Variants in ZNF532 observed in about 807,000 individuals in gnomAD.
The protein encoded by ZNF532 is zinc finger protein 532.
A neutral mutation model predicts 89.3 loss-of-function variants in ZNF532; 22 were observed. The observed-to-expected ratio is 0.25, with a 90% confidence interval of 0.18 to 0.35. The LOEUF (loss-of-function observed/expected upper bound fraction) is 0.35, where lower values mean the gene tolerates loss of function less well. ZNF532 is among the 10% of genes least tolerant of loss of function. ZNF532 has a pLI of 1.00. For missense variants in ZNF532, 1,132 were observed against 1,643.4 expected, an observed-to-expected ratio of 0.69 and a Z score of 5.38; for synonymous variants, 606 against 649.6, an observed-to-expected ratio of 0.93 and a Z score of 1.02.
chr18:58,884,859 C>T (rs1444120343), intron 2 of ZNF532, among the ~76,000 whole-genome samples: 2 of 152,168 alleles, frequency 1.3e-5, no homozygotes, highest in East Asian at 3.9e-4. Flanking sequence ...TTGAATAACC[C>T]GTTTCAAGCA....
At chr18:58,888,794 AT>A in intron 2 of ZNF532, among the ~76,000 whole-genome samples, 1 of 52,684 alleles carries the variant, frequency 1.9e-5, no homozygotes, top group South Asian at 5.8e-4. Flanking sequence ...TAAAATATAT[AT>A]AATTTATATA....
chr18:58,923,462 C>G (rs1188441782), intron 3 of ZNF532, among the ~76,000 whole-genome samples: 1 of 151,968 alleles, frequency 6.6e-6, no homozygotes, highest in Non-Finnish European at 1.5e-5. Context: ...TTAACCCAAC[C>G]TGGAGTCTCT....
chr18:58,930,681 G>A (rs1315565961), intron 3 of ZNF532, among the ~76,000 whole-genome samples: 2 of 150,746 alleles, frequency 1.3e-5, no homozygotes, highest in Non-Finnish European at 2.9e-5. Flanking sequence ...TCAGGTGTTG[G>A]TTCTAGGACC....
rs774011067 is a variant in ZNF532 at position 58,919,572 on chromosome 18, G to T, written c.1285G>T (p.Val429Leu). ...CAGGGCGCCTCTCCAGTCTGCGGTCGTGACCAATGCAGTTTCCCCTGCAGA... is the reference window on the plus strand; with the variant it reads ...CAGGGCGCCTCTCCAGTCTGCGGTCTTGACCAATGCAGTTTCCCCTGCAGA... ...PPRAPLQSAV[V>L]TNAVSPAELT... Residue 429 changes from valine to leucine, a missense_variant, in exon 3 of 10, where the codon GTG becomes TTG. Physicochemically the swap from Val to Leu is conservative, Grantham distance 32 (BLOSUM62 1). Transcript: ENST00000591808. This position sits in a 1 kb window ranked among gnomAD's most constrained non-coding sequence, Gnocchi z 6.1. 6.2e-7 allele frequency: 1 copy of T among 1,614,112 alleles called. No homozygotes were observed. The highest frequency in any genetic ancestry group is 1.1e-5 in the South Asian group (1 of 91,068).
rs1340952600 is a variant in ZNF532, at chr18:58,983,988, G to A, written c.3428G>A (p.Arg1143Gln). 5.6e-6 allele frequency: 9 copies of A among 1,608,904 alleles called. No individual in the cohort carries two copies. The highest frequency in any genetic ancestry group is 6.8e-6 in the Non-Finnish European group (8 of 1,178,124). Residue 1143 changes from arginine (R) to glutamine (Q), a missense_variant, in exon 10 of 10, where the codon CGG (arginine) becomes CAG (glutamine). Transcript: ENST00000591808. ...KEDTKVPSPKRKLEEPVLEFR... is the reference protein window; with the variant it reads ...KEDTKVPSPKQKLEEPVLEFR... The stretch of plus-strand genomic sequence containing the variant: ...CCCTGAAAGGTCCCCAGTCCCAAGC[G>A]GAAGTTGGAAGAACCAGTTCTGGAG...
chr18:58,908,512 G>A (rs1292433174), intron 2 of ZNF532, among the ~76,000 whole-genome samples: 1 of 151,946 alleles, frequency 6.6e-6, no homozygotes, highest in African/African-American at 2.4e-5. Context: ...TTTATAACTA[G>A]CAAAAACATA....
intron 2 of ZNF532, among the ~76,000 whole-genome samples, chr18:58,892,722 T>G (rs1293108852): frequency 6.6e-6 from 1 of 152,228 alleles, no homozygotes; most frequent in Non-Finnish European, 1.5e-5. Context: ...AATGTTCGTG[T>G]AGAGATTTTG....
chr18:58,983,563 C>T (rs1040440964), intron 9 of ZNF532, among the ~76,000 whole-genome samples: 1 of 152,088 alleles, frequency 6.6e-6, no homozygotes, highest in Non-Finnish European at 1.5e-5. Context: ...CCAGGCTGTC[C>T]CTGACCGTAC....
chr18:58,887,707 G>A (rs771100945), intron 2 of ZNF532, among the ~76,000 whole-genome samples: 2 of 152,154 alleles, frequency 1.3e-5, no homozygotes, highest in Non-Finnish European at 2.9e-5. Flanking sequence ...TCACAGGAGG[G>A]ACCGTCATGC....
intron 5 of ZNF532, among the ~76,000 whole-genome samples, chr18:58,942,585 C>G (rs1202026277): frequency 3.3e-5 from 5 of 152,018 alleles, no homozygotes; most frequent in African/African-American, 1.2e-4. Context: ...GTGGCAATGA[C>G]GGCTGCTGCA....
At chr18:58,892,157 ATCTT>A (rs1343851038) in intron 2 of ZNF532, among the ~76,000 whole-genome samples, 2 of 152,222 alleles carry the variant, frequency 1.3e-5, no homozygotes, top group African/African-American at 4.8e-5. Flanking sequence ...TTAAACATAT[ATCTT>A]CAGGATTTTA....
chr18:58,879,722 T>C (rs2057735038), intron 2 of ZNF532, among the ~76,000 whole-genome samples: 1 of 152,176 alleles, frequency 6.6e-6, no homozygotes, highest in South Asian at 2.1e-4. Context: ...GCATGTACTC[T>C]TGTTCATACA....
intron 4 of ZNF532, 24 bp from the exon 5 acceptor site, chr18:58,939,421 A>T: frequency 6.2e-7 from 1 of 1,601,758 alleles, no homozygotes. Context: ...TGTGCTAATG[A>T]CCGTGTGTTT....
chr18:58,962,671 C>T (rs547673712), intron 7 of ZNF532, among the ~76,000 whole-genome samples: 9 of 150,734 alleles, frequency 6.0e-5, no homozygotes, highest in Non-Finnish European at 1.0e-4. Context: ...GACGCCATCT[C>T]GACTCACTGC....
At chr18:58,936,706 T>A (rs1436720644) in intron 4 of ZNF532, among the ~76,000 whole-genome samples, 1 of 152,226 alleles carries the variant, frequency 6.6e-6, no homozygotes, top group African/African-American at 2.4e-5. Flanking sequence ...CAACGATGTG[T>A]TGTGAAGTTT....
intron 2 of ZNF532, among the ~76,000 whole-genome samples, chr18:58,914,177 C>T (rs1338989714): frequency 3.9e-5 from 6 of 152,054 alleles, no homozygotes; most frequent in Non-Finnish European, 8.8e-5. Flanking sequence ...TTCTCAGAGG[C>T]TTTGAGTAGG....
intron 3 of ZNF532, among the ~76,000 whole-genome samples, chr18:58,924,956 C>T (rs2061412472): frequency 6.6e-6 from 1 of 152,110 alleles, no homozygotes; most frequent in Admixed American, 6.5e-5. Context: ...TAGTATATTC[C>T]TTTTTATTGC....
chr18:58,877,093 G>A (rs1338426194), intron 2 of ZNF532, among the ~76,000 whole-genome samples: 1 of 152,084 alleles, frequency 6.6e-6, no homozygotes, highest in South Asian at 2.1e-4. Context: ...AAAAGTGACT[G>A]TGTTTGGTTC....
rs1180507744 is a variant in ZNF532 at position 58,888,895 on chromosome 18, A to AT, written c.-18+23317dup. Among the ~76,000 whole-genome samples the AT allele has an allele frequency of 2.3e-3, 147 of 64,692 alleles. 9 individuals are homozygous for AT. The highest frequency in any genetic ancestry group is 5.5e-3 in the African/African-American group (80 of 14,524). 42.4% of individuals were successfully genotyped at this position (64,692 alleles called of 152,430 possible). A position where few individuals can be genotyped will look rare whatever the true frequency, so the allele number is the denominator to read the frequency against. ...TATATATTATATATATATATTTTATATATATATATATATATATAATTCATA... is the reference window on the plus strand; with the variant it reads ...TATATATTATATATATATATTTTATATTATATATATATATATATAATTCATA... On this transcript the variant is annotated intron_variant, in intron 2 of 9. Coordinates refer to ENST00000591808, the MANE Select transcript of ZNF532 (RefSeq NM_001375912.1).
Sources: gnomAD v4.1 joint callset for allele counts (sites outside exome capture counted in the v4.1 genomes callset) on GRCh38, gnomAD v4.1.1 for gene constraint, Gnocchi (gnomAD v3.1) non-coding constraint, MANE v1.5 for transcripts, NCBI Gene and HGNC (gene_info 2026-07-23, HGNC 2026-07-21) for gene names.